Variants in RORA observed in about 807,000 individuals in gnomAD.
RORA encodes RAR related orphan receptor A.
A neutral mutation model predicts 69.5 loss-of-function variants in RORA; 7 were observed. The ratio of observed to expected loss-of-function variants is 0.10; its 90% CI spans 0.06 to 0.19. RORA has a LOEUF of 0.19. Ranked by LOEUF, RORA falls within the 10% of genes least tolerant of loss-of-function variation. RORA has a pLI of 1.00. For synonymous variants in RORA, 261 were observed against 240.8 expected (o/e 1.08, Z -0.78); for missense variants, 457 against 663.0 (o/e 0.69, Z 3.41).
intron 1 of RORA, among the ~76,000 whole-genome samples, chr15:61,175,605 A>T (rs12913585): frequency 0.51 from 75,578 of 149,580 alleles, 20,141 homozygotes; most frequent in Non-Finnish European, 0.6. Context: ...GCTACTTGGA[A>T]GGGCTGATGT....
chr15:60,595,271 G>A (rs1453351273), intron 2 of RORA, among the ~76,000 whole-genome samples: 1 of 152,102 alleles, frequency 6.6e-6, no homozygotes, highest in Non-Finnish European at 1.5e-5. Flanking sequence ...CCAGCACTTT[G>A]AGAGGTCAAG....
intron 1 of RORA, among the ~76,000 whole-genome samples, chr15:60,897,660 G>C (rs118106441): frequency 0.021 from 3,273 of 152,302 alleles, 57 homozygotes; most frequent in Non-Finnish European, 0.032. Flanking sequence ...GAAGCCTTTG[G>C]ATTTCCCTAT....
intron 1 of RORA, among the ~76,000 whole-genome samples, chr15:60,931,923 A>G (rs993143335): frequency 6.6e-6 from 1 of 152,162 alleles, no homozygotes; most frequent in Non-Finnish European, 1.5e-5. Flanking sequence ...TCAACTTGGC[A>G]CTGCAGCTAA....
intron 1 of RORA, among the ~76,000 whole-genome samples, chr15:60,758,197 C>A (rs2071830639): frequency 6.6e-6 from 1 of 152,190 alleles, no homozygotes; most frequent in Admixed American, 6.5e-5. Flanking sequence ...CAATGCCTGG[C>A]ACAGGGTGAA....
chr15:61,225,996 T>G (rs546235913), intron 1 of RORA, among the ~76,000 whole-genome samples: 1 of 152,212 alleles, frequency 6.6e-6, no homozygotes, highest in African/African-American at 2.4e-5. Flanking sequence ...AGCAGTTTTA[T>G]GGACAGGGGA....
At chr15:61,196,234 T>C (rs572365935) in intron 1 of RORA, among the ~76,000 whole-genome samples, 26 of 152,374 alleles carry the variant, frequency 1.7e-4, no homozygotes, top group African/African-American at 5.5e-4. Flanking sequence ...TAGGGGTAAC[T>C]TGAAGAGCTG....
intron 1 of RORA, among the ~76,000 whole-genome samples, chr15:60,744,366 T>C (rs542710819): frequency 6.3e-4 from 96 of 152,318 alleles, no homozygotes; most frequent in South Asian, 1.0e-3. Context: ...AACAGCTGTG[T>C]CGTTTGCTTA....
intron 1 of RORA, among the ~76,000 whole-genome samples, chr15:60,911,211 A>C (rs1891706698): frequency 6.7e-6 from 1 of 150,332 alleles, no homozygotes; most frequent in African/African-American, 2.5e-5. Context: ...CTGGGATTAC[A>C]GGCATGAGCC....
chr15:60,992,811 A>G (rs1375759027), intron 1 of RORA, among the ~76,000 whole-genome samples: 1 of 152,200 alleles, frequency 6.6e-6, no homozygotes, highest in Non-Finnish European at 1.5e-5. Context: ...TATAAAGTCT[A>G]CTTCGGTCTG....
At chr15:60,794,922 A>C (rs535083846) in intron 1 of RORA, among the ~76,000 whole-genome samples, 25 of 152,296 alleles carry the variant, frequency 1.6e-4, no homozygotes, top group South Asian at 4.1e-4. Context: ...AAATGTGGAA[A>C]ATGGGTGGTG....
chr15:60,533,684 C>G (rs1411250097), intron 2 of RORA, among the ~76,000 whole-genome samples: 2 of 152,164 alleles, frequency 1.3e-5, no homozygotes, highest in Non-Finnish European at 2.9e-5. Flanking sequence ...GAGTTATTGC[C>G]TGCTTTTCCC....
At chr15:60,518,155 T>G (rs923361712) in intron 3 of RORA, among the ~76,000 whole-genome samples, 1 of 152,228 alleles carries the variant, frequency 6.6e-6, no homozygotes, top group African/African-American at 2.4e-5. Context: ...CGAGCCCATG[T>G]ATCTGGCATT....
intron 1 of RORA, among the ~76,000 whole-genome samples, chr15:60,921,031 G>T (rs1892029380): frequency 6.6e-6 from 1 of 152,130 alleles, no homozygotes; most frequent in Non-Finnish European, 1.5e-5. Context: ...AGCCTCCTAA[G>T]ACCCTGTGTT....
At chr15:60,955,384 G>T (rs1303747399) in intron 1 of RORA, among the ~76,000 whole-genome samples, 2 of 152,194 alleles carry the variant, frequency 1.3e-5, no homozygotes, top group Non-Finnish European at 2.9e-5. Context: ...AAGTACTCAT[G>T]AACATTAGGA....
intron 2 of RORA, among the ~76,000 whole-genome samples, chr15:60,669,647 G>A (rs747712183): frequency 4.8e-5 from 7 of 145,966 alleles, no homozygotes; most frequent in African/African-American, 1.0e-4. Flanking sequence ...CAGTCAGACC[G>A]ATCTACACAA....
At chr15:61,112,047 A>G (rs1282191895) in intron 1 of RORA, among the ~76,000 whole-genome samples, 1 of 152,200 alleles carries the variant, frequency 6.6e-6, no homozygotes, top group African/African-American at 2.4e-5. Flanking sequence ...GCAGATGGGA[A>G]TAACGTAAAC....
chr15:61,053,863 A>ATATATATATATATAT (rs1555406156), intron 1 of RORA, among the ~76,000 whole-genome samples: 21 of 137,102 alleles, frequency 1.5e-4, no homozygotes, highest in Middle Eastern at 3.9e-3. Context: ...ATATATATAT[A>ATATATATATATATAT]AACATTCTTC....
At chr15:61,103,808 C>G (rs1002099007) in intron 1 of RORA, among the ~76,000 whole-genome samples, 1 of 152,094 alleles carries the variant, frequency 6.6e-6, no homozygotes, top group Non-Finnish European at 1.5e-5. Flanking sequence ...CCACCCCGTC[C>G]ATTTACACAG....
intron 1 of RORA, among the ~76,000 whole-genome samples, chr15:61,110,104 G>C (rs1346822301): frequency 6.6e-6 from 1 of 152,186 alleles, no homozygotes; most frequent in African/African-American, 2.4e-5. Flanking sequence ...TTGTATAAGA[G>C]TACACACAGA....
Sources: allele counts gnomAD v4.1 joint callset (sites outside exome capture counted in the v4.1 genomes callset), GRCh38; gene constraint gnomAD v4.1.1; transcripts MANE v1.5; gene names NCBI Gene and HGNC (gene_info 2026-07-23, HGNC 2026-07-21).